Variants in ADGB observed in about 807,000 individuals in gnomAD.
ADGB encodes the protein calpain-7-like protein.
ADGB carries 172 observed loss-of-function variants against 210.5 expected under a neutral mutation model. That is an observed-to-expected ratio of 0.82 (90% CI 0.72 to 0.93). The LOEUF is 0.93. ADGB is among the 40% of genes least tolerant of loss of function. The pLI is 0.00. For missense variants in ADGB, 2,025 were observed against 1,964.8 expected (o/e 1.03, Z -0.58); for synonymous variants, 658 against 662.7 (o/e 0.99, Z 0.11).
intron 12 of ADGB, among the ~76,000 whole-genome samples, chr6:146,700,550 G>T (rs769203583): frequency 2.6e-5 from 4 of 152,132 alleles, no homozygotes; most frequent in Non-Finnish European, 4.4e-5. Context: ...GAATGTCACA[G>T]TTATAAACTT....
At chr6:146,665,225 C>T (rs984107707) in intron 6 of ADGB, among the ~76,000 whole-genome samples, 2 of 151,992 alleles carry the variant, frequency 1.3e-5, no homozygotes, top group Non-Finnish European at 2.9e-5. Flanking sequence ...CAATGTTAGT[C>T]AGAAGTCAGG....
chr6:146,629,882 T>A (rs774910761), intron 1 of ADGB, among the ~76,000 whole-genome samples: 1 of 152,196 alleles, frequency 6.6e-6, no homozygotes, highest in Non-Finnish European at 1.5e-5. Flanking sequence ...AGACTTTCTT[T>A]TCTAGGATGA....
chr6:146,631,395 A>G (rs1781062719), intron 1 of ADGB, among the ~76,000 whole-genome samples: 1 of 152,170 alleles, frequency 6.6e-6, no homozygotes, highest in African/African-American at 2.4e-5. Flanking sequence ...AGGAAGAGAG[A>G]GAGAAGTATC....
At chr6:146,685,362 A>C (rs1157618016) in intron 9 of ADGB, among the ~76,000 whole-genome samples, 2 of 152,080 alleles carry the variant, frequency 1.3e-5, no homozygotes, top group Non-Finnish European at 2.9e-5. Flanking sequence ...CATAGAATAA[A>C]GATCCTATCT....
chr6:146,681,634 G>C (rs998126856), intron 9 of ADGB, among the ~76,000 whole-genome samples: 2 of 152,012 alleles, frequency 1.3e-5, no homozygotes, highest in Non-Finnish European at 2.9e-5. Context: ...ACTCAAGAAA[G>C]AATATGGACA....
At chr6:146,618,801 C>G (rs766923562) in intron 1 of ADGB, among the ~76,000 whole-genome samples, 5 of 151,986 alleles carry the variant, frequency 3.3e-5, no homozygotes, top group Non-Finnish European at 7.4e-5. Flanking sequence ...GTTTCATGTG[C>G]TGTTGAGAAA....
chr6:146,672,041 C>T (rs73571866), intron 7 of ADGB, among the ~76,000 whole-genome samples, 179 bp from the exon 8 acceptor site: 2,184 of 152,064 alleles, frequency 0.014, 55 homozygotes, highest in African/African-American at 0.049. Flanking sequence ...ACAGTAGGCA[C>T]GCAATGAAAG....
intron 9 of ADGB, among the ~76,000 whole-genome samples, 180 bp downstream of exon 9, chr6:146,676,621 G>GA (rs1776088642): frequency 6.6e-6 from 1 of 152,200 alleles, no homozygotes; most frequent in African/African-American, 2.4e-5. Flanking sequence ...ACCAATGACA[G>GA]AAGCCTGTTG....
intron 1 of ADGB, among the ~76,000 whole-genome samples, chr6:146,616,168 G>T (rs1562255794): frequency 6.6e-6 from 1 of 151,594 alleles, no homozygotes; most frequent in Non-Finnish European, 1.5e-5. Context: ...GATGATTAAT[G>T]ATGTTGAATA....
Position 146,815,125 on chromosome 6 carries a change from C to G in ADGB, c.4912C>G (p.Leu1638Val). 2 of 1,548,326 alleles carry G rather than the reference C, an allele frequency of 1.3e-6. No homozygotes were observed. The highest frequency in any genetic ancestry group is 1.7e-6 in the Non-Finnish European group (2 of 1,146,138). The change falls in exon 36 of 36, where the codon CTG becomes GTG. Residue 1638 changes from leucine (L) to valine (V), a missense_variant. Physicochemically the swap from Leu to Val is conservative, Grantham distance 32. Coordinates refer to ENST00000397944, the MANE Select transcript of ADGB (RefSeq NM_024694.4). ...AGCTGAGCACCTAAAGCTGGAAACT[C>G]TGGCTGCTCAGGAAGCAGCCATGAA... ...LEAEHLKLET[L>V]AAQEAAMKLE...
intron 20 of ADGB, among the ~76,000 whole-genome samples, chr6:146,729,464 C>T (rs11754120): frequency 0.23 from 35,553 of 151,972 alleles, 4,894 homozygotes; most frequent in South Asian, 0.37. Context: ...GAGATGGGGT[C>T]TTGCTCTGTC....
At position 146,807,992 on chromosome 6, in the gene ADGB, G is replaced by GTTTTT. The variant is rs369961809; in HGVS notation, c.4818+5999_4818+6003dup. On this transcript the variant is annotated intron_variant, in intron 35 of 35. Coordinates refer to ENST00000397944, the MANE Select transcript of ADGB (RefSeq NM_024694.4). ...TAAAAATACTAATAACTATGCTTCAGTTTTTTTTTTTTTTTTTTTTTTCTG... is the reference window on the plus strand; with the variant it reads ...TAAAAATACTAATAACTATGCTTCAGTTTTTTTTTTTTTTTTTTTTTTTTTTTCTG... 3.8e-4 allele frequency among the ~76,000 whole-genome samples: 39 copies of GTTTTT among 103,160 alleles called. 1 individual carries two copies. Among genetic ancestry groups the GTTTTT allele is most frequent in the Non-Finnish European group, 3.6e-4 (20 of 55,128 alleles). 67.7% of individuals were successfully genotyped at this position (103,160 alleles called of 152,430 possible).
intron 10 of ADGB, among the ~76,000 whole-genome samples, chr6:146,688,155 G>A (rs909564377): frequency 6.6e-6 from 1 of 152,024 alleles, no homozygotes; most frequent in African/African-American, 2.4e-5. Context: ...AGTCTAATGA[G>A]GAAGGCAGAC....
intron 1 of ADGB, among the ~76,000 whole-genome samples, chr6:146,605,017 T>G (rs548245259): frequency 6.6e-6 from 1 of 152,218 alleles, no homozygotes; most frequent in African/African-American, 2.4e-5. Flanking sequence ...GCAACAGGAA[T>G]GTGGGGACAG....
intron 35 of ADGB, among the ~76,000 whole-genome samples, chr6:146,812,861 A>G (rs537201742): frequency 1.4e-4 from 21 of 152,280 alleles, no homozygotes; most frequent in African/African-American, 4.8e-4. Flanking sequence ...TTGCCTTTCT[A>G]TGGGGTCGGA....
intron 35 of ADGB, among the ~76,000 whole-genome samples, chr6:146,808,939 G>A (rs1449305337): frequency 1.3e-5 from 2 of 151,950 alleles, no homozygotes; most frequent in Non-Finnish European, 2.9e-5. Context: ...GGGACCAAGT[G>A]GCCATTGCGA....
intron 27 of ADGB, among the ~76,000 whole-genome samples, chr6:146,758,980 T>A (rs1263314639): frequency 6.6e-6 from 1 of 152,010 alleles, no homozygotes; most frequent in Non-Finnish European, 1.5e-5. Flanking sequence ...TATTAATTTG[T>A]GTCTATGTGT....
At chr6:146,680,325 A>G (rs1413143606) in intron 9 of ADGB, among the ~76,000 whole-genome samples, 1 of 152,204 alleles carries the variant, frequency 6.6e-6, no homozygotes, top group East Asian at 1.9e-4. Flanking sequence ...GAGCAGGAGT[A>G]TGTGAATCAC....
At chr6:146,760,949 TTTA>T (rs1169441978) in intron 27 of ADGB, among the ~76,000 whole-genome samples, 4 of 151,970 alleles carry the variant, frequency 2.6e-5, no homozygotes, top group African/African-American at 9.7e-5. Flanking sequence ...ATGAGTTGTC[TTTA>T]TTATTATTAA....
Sources: gnomAD v4.1 joint callset for allele counts (sites outside exome capture counted in the v4.1 genomes callset) on GRCh38, gnomAD v4.1.1 for gene constraint, MANE v1.5 for transcripts, NCBI Gene and HGNC (gene_info 2026-07-23, HGNC 2026-07-21) for gene names.